Variants in EFCAB11 observed in about 807,000 individuals in gnomAD.
EFCAB11 encodes the protein EF-hand calcium-binding domain-containing protein 11.
In EFCAB11, 14 loss-of-function variants were observed where a neutral mutation model predicts 23.0. The ratio of observed to expected loss-of-function variants is 0.61; its 90% confidence interval spans 0.40 to 0.95. The LOEUF (loss-of-function observed/expected upper bound fraction) is 0.95. Ranked by LOEUF, EFCAB11 falls within the 40% of genes least tolerant of loss-of-function variation. The probability of loss-of-function intolerance (pLI) is 0.00; values close to 1 mark genes in which losing one functional copy is unlikely to be tolerated. For missense variants in EFCAB11, 198 were observed against 195.8 expected (o/e 1.01, Z -0.07); for synonymous variants, 65 against 66.6 (o/e 0.98, Z 0.11).
chr14:89,916,979 C>T (rs1313379812), intron 5 of EFCAB11, among the ~76,000 whole-genome samples: 1 of 151,504 alleles, frequency 6.6e-6, no homozygotes, highest in Admixed American at 6.6e-5. Flanking sequence ...TACAAGATGA[C>T]GTTTTTATAA....
In EFCAB11 at chr14:89,842,733, G is replaced by A. The variant is rs146085950; in HGVS notation, c.411-45409C>T. On this transcript the variant is annotated intron_variant, in intron 5 of 5. Transcript: ENST00000316738. ...GCCTCCTGAACTCACACAGCCCTTCGTGATGTGGCTGCTGTCCTCTAGTTC... is the reference window on the plus strand; with the variant it reads ...GCCTCCTGAACTCACACAGCCCTTCATGATGTGGCTGCTGTCCTCTAGTTC... Among the ~76,000 whole-genome samples the A allele has an allele frequency of 9.9e-5, 15 of 152,076 alleles. No homozygotes were observed. The East Asian group carries it at 2.9e-3, about 29-fold the overall frequency.
chr14:89,846,424 T>C (rs1176483086), intron 5 of EFCAB11, among the ~76,000 whole-genome samples: 1 of 152,190 alleles, frequency 6.6e-6, no homozygotes, highest in Non-Finnish European at 1.5e-5. Flanking sequence ...TAACAAAGTA[T>C]TATTAAAAAG....
intron 5 of EFCAB11, among the ~76,000 whole-genome samples, chr14:89,877,366 G>A (rs1310657689): frequency 6.6e-6 from 1 of 152,064 alleles, no homozygotes; most frequent in African/African-American, 2.4e-5. Context: ...GTGAAGTCAA[G>A]GTTACATGCA....
chr14:89,810,674 T>C (rs1033166829), intron 5 of EFCAB11, among the ~76,000 whole-genome samples: 3 of 150,182 alleles, frequency 2.0e-5, no homozygotes, highest in African/African-American at 7.4e-5. Flanking sequence ...GAGAATCACT[T>C]GAACTCGACA....
At chr14:89,891,500 G>A (rs1888961968) in intron 5 of EFCAB11, among the ~76,000 whole-genome samples, 1 of 152,004 alleles carries the variant, frequency 6.6e-6, no homozygotes, top group Non-Finnish European at 1.5e-5. Context: ...AGAAGCAAGA[G>A]GTTTCTGATT....
chr14:89,927,868 C>A (rs745827625), intron 5 of EFCAB11, among the ~76,000 whole-genome samples: 1 of 151,946 alleles, frequency 6.6e-6, no homozygotes, highest in Non-Finnish European at 1.5e-5. Context: ...ATTACAGGCG[C>A]CCACCACCAC....
At chr14:89,897,207 AT>A (rs1156731502) in intron 5 of EFCAB11, among the ~76,000 whole-genome samples, 2,302 of 133,548 alleles carry the variant, frequency 0.017, 39 homozygotes, top group African/African-American at 0.04. Flanking sequence ...GTATATGTGC[AT>A]TTTTTTTTTT....
intron 5 of EFCAB11, among the ~76,000 whole-genome samples, chr14:89,868,304 G>A (rs934619805): frequency 6.6e-6 from 1 of 152,128 alleles, no homozygotes; most frequent in African/African-American, 2.4e-5. Flanking sequence ...GCTATGATAT[G>A]GTTTGTAAGT....
intron 3 of EFCAB11, among the ~76,000 whole-genome samples, chr14:89,934,314 G>C (rs773215196): frequency 1.3e-5 from 2 of 152,062 alleles, no homozygotes; most frequent in Non-Finnish European, 2.9e-5. Flanking sequence ...AGGAGTGGAA[G>C]GTTTCCAGAT....
At position 89,816,441 on chromosome 14, in the gene EFCAB11, T is replaced by C. The variant is rs1273651190; in HGVS notation, c.411-19117A>G. On this transcript the variant is annotated intron_variant, in intron 5 of 5. Transcript: ENST00000316738. Reference sequence around the variant, plus strand: ...AAAATTTGTGAACTAACATGCAAAGTAACCATAAAAGAAATATGTTCTTCT... The same window carrying C: ...AAAATTTGTGAACTAACATGCAAAGCAACCATAAAAGAAATATGTTCTTCT... 2.6e-5 allele frequency among the ~76,000 whole-genome samples: 4 copies of C among 152,224 alleles called. No individual in the cohort carries two copies. The South Asian group carries it at 6.2e-4, about 24-fold the overall frequency.
At chr14:89,851,092 G>A (rs543755346) in intron 5 of EFCAB11, among the ~76,000 whole-genome samples, 1 of 152,296 alleles carries the variant, frequency 6.6e-6, no homozygotes, top group Non-Finnish European at 1.5e-5. Flanking sequence ...CCCTTGGAAG[G>A]TTACAGTAAA....
At chr14:89,852,941 C>T (rs1391654587) in intron 5 of EFCAB11, among the ~76,000 whole-genome samples, 1 of 152,164 alleles carries the variant, frequency 6.6e-6, no homozygotes, top group African/African-American at 2.4e-5. Flanking sequence ...CCTACCTTCT[C>T]TCCAGCCCCT....
intron 3 of EFCAB11, among the ~76,000 whole-genome samples, chr14:89,943,985 A>G (rs991850674): frequency 2.0e-5 from 3 of 152,222 alleles, no homozygotes; most frequent in African/African-American, 7.2e-5. Context: ...CAAATCCTTA[A>G]TTCAAAATCA....
chr14:89,837,445 G>A (rs1308858693), intron 5 of EFCAB11, among the ~76,000 whole-genome samples: 5 of 152,098 alleles, frequency 3.3e-5, no homozygotes, highest in Non-Finnish European at 7.4e-5. Context: ...AATAGCTCCA[G>A]CTCTCTTGGG....
At chr14:89,898,666 CTT>C (rs36098790) in intron 5 of EFCAB11, among the ~76,000 whole-genome samples, 60 of 121,010 alleles carry the variant, frequency 5.0e-4, no homozygotes, top group East Asian at 7.2e-4. Flanking sequence ...CGCCTGGCCT[CTT>C]TTTTTTTTTT....
chr14:89,931,846 T>TA, intron 4 of EFCAB11, among the ~76,000 whole-genome samples: 1 of 152,240 alleles, frequency 6.6e-6, no homozygotes, highest in South Asian at 2.1e-4. Context: ...CCGGCTGATC[T>TA]TGAAGGTCAC....
intron 5 of EFCAB11, among the ~76,000 whole-genome samples, chr14:89,917,285 A>T (rs963330114): frequency 6.6e-6 from 1 of 151,268 alleles, no homozygotes; most frequent in African/African-American, 2.4e-5. Context: ...CTACCATTCC[A>T]CTCTTTTTCT....
intron 5 of EFCAB11, among the ~76,000 whole-genome samples, chr14:89,816,143 T>C (rs1421653773): frequency 1.3e-5 from 2 of 152,158 alleles, no homozygotes; most frequent in African/African-American, 4.8e-5. Flanking sequence ...TTTTTTTTGG[T>C]AGCTATTATA....
intron 5 of EFCAB11, among the ~76,000 whole-genome samples, chr14:89,804,390 G>A (rs536119977): frequency 2.0e-5 from 3 of 152,336 alleles, no homozygotes; most frequent in African/African-American, 7.2e-5. Flanking sequence ...TGTGAAGACT[G>A]CATCCTTATG....
Sources: allele counts gnomAD v4.1 joint callset (sites outside exome capture counted in the v4.1 genomes callset), GRCh38; gene constraint gnomAD v4.1.1; transcripts MANE v1.5; gene names NCBI Gene and HGNC (gene_info 2026-07-23, HGNC 2026-07-21).